TMEM41B: variants seen among roughly 807,000 people sequenced by gnomAD.
TMEM41B encodes the protein transmembrane protein 41B, also known as protein stasimon.
In TMEM41B, 18 loss-of-function variants were observed where a neutral mutation model predicts 31.9. That is an observed-to-expected ratio of 0.56 (90% CI 0.39 to 0.84). TMEM41B has a LOEUF of 0.84. Ranked by LOEUF, TMEM41B falls within the 40% of genes least tolerant of loss-of-function variation. TMEM41B has a pLI of 0.00. For missense variants in TMEM41B, 322 were observed against 348.0 expected, an observed-to-expected ratio of 0.93 and a Z score of 0.59; for synonymous variants, 144 against 124.3, an observed-to-expected ratio of 1.16 and a Z score of -1.05.
intron 1 of TMEM41B, among the ~76,000 whole-genome samples, chr11:9,308,547 T>C (rs1853456265): frequency 6.6e-6 from 1 of 152,186 alleles, no homozygotes; most frequent in Admixed American, 6.5e-5. Flanking sequence ...AAATCCTTAT[T>C]CTTTCCTTAT....
At chr11:9,295,874 T>C (rs572618581) in intron 2 of TMEM41B, among the ~76,000 whole-genome samples, 1 of 148,616 alleles carries the variant, frequency 6.7e-6, no homozygotes, top group African/African-American at 2.5e-5. Flanking sequence ...TATTATTTTT[T>C]TTGACACAGT....
At chr11:9,300,891 T>A (rs1425092791) in intron 1 of TMEM41B, among the ~76,000 whole-genome samples, 1 of 150,660 alleles carries the variant, frequency 6.6e-6, no homozygotes, top group South Asian at 2.1e-4. Context: ...AAAAAAAAAA[T>A]TATATTAACA....
rs984658464 is a variant in TMEM41B, at chr11:9,282,350, C to A, written c.*1074G>T. 6.6e-5 allele frequency: 10 copies of A among 151,646 alleles called. No homozygotes were observed. Among genetic ancestry groups the A allele is most frequent in the Non-Finnish European group, 1.2e-4 (8 of 67,970 alleles). 9.4% of individuals were successfully genotyped at this position (151,646 alleles called of 1,614,324 possible). ...CCGAGATCACACCACGCACTCCACT[C>A]CAGCCTGGGCAACAGCAAGACTCCG... On this transcript the variant is annotated 3_prime_UTR_variant, in exon 7 of 7. Transcript: ENST00000528080.
chr11:9,292,937 G>A (rs1404376326), intron 3 of TMEM41B, among the ~76,000 whole-genome samples: 1 of 152,094 alleles, frequency 6.6e-6, no homozygotes, highest in African/African-American at 2.4e-5. Context: ...TTTCATGATA[G>A]CCATCCTAAT....
chr11:9,283,276 A>T lies in TMEM41B; in HGVS notation c.*148T>A. On this transcript the variant is annotated 3_prime_UTR_variant, in exon 7 of 7. Coordinates refer to ENST00000528080, the MANE Select transcript of TMEM41B (RefSeq NM_015012.4). ...TTACTTTCTTCTCCCCTTGTCACTT[A>T]AATGTATTACTTTAACTATCTGATA... 1 of 631,114 alleles carries T rather than the reference A, an allele frequency of 1.6e-6. No homozygotes were observed. Among genetic ancestry groups the T allele is most frequent in the Non-Finnish European group, 2.6e-6 (1 of 382,862 alleles). 39.1% of individuals were successfully genotyped at this position (631,114 alleles called of 1,614,324 possible).
chr11:9,287,509 A>C (rs796512603), intron 5 of TMEM41B, among the ~76,000 whole-genome samples, 193 bp downstream of exon 5: 64 of 152,314 alleles, frequency 4.2e-4, no homozygotes, highest in African/African-American at 1.5e-3. Flanking sequence ...AAACATTTGT[A>C]TTTGAAATTA....
At chr11:9,312,226 C>T (rs1853576496) in intron 1 of TMEM41B, among the ~76,000 whole-genome samples, 1 of 152,206 alleles carries the variant, frequency 6.6e-6, no homozygotes, top group African/African-American at 2.4e-5. Context: ...TTATCCAAAC[C>T]TTACTTATCT....
chr11:9,301,878 C>A (rs1178180083), intron 1 of TMEM41B, among the ~76,000 whole-genome samples: 4 of 152,100 alleles, frequency 2.6e-5, no homozygotes, highest in Non-Finnish European at 4.4e-5. Context: ...GAACAGAAAC[C>A]CAGAGAAGCA....
intron 1 of TMEM41B, among the ~76,000 whole-genome samples, chr11:9,308,261 T>G (rs1267250027): frequency 6.6e-6 from 1 of 152,116 alleles, no homozygotes; most frequent in Non-Finnish European, 1.5e-5. Flanking sequence ...GAGAATCACT[T>G]GAACCTGGGA....
At position 9,314,522 on chromosome 11, in the gene TMEM41B, G is replaced by A; in HGVS notation, c.-81C>T. 6.1e-6 allele frequency: 9 copies of A among 1,467,430 alleles called. No homozygotes were observed. The highest frequency in any genetic ancestry group is 8.1e-6 in the Non-Finnish European group (9 of 1,105,838). The allele number at this position is 1,467,430 out of a possible 1,614,324, so 90.9% of individuals were successfully genotyped here. A position where few individuals can be genotyped will look rare whatever the true frequency, so the allele number is the denominator to read the frequency against. ...TCTGTTGCAGGCTCCTTACTACGCC[G>A]AAGCGCCACGGCTAGAGCCACTTCC... On this transcript the variant is annotated 5_prime_UTR_variant, in exon 1 of 7. Coordinates refer to ENST00000528080, the MANE Select transcript of TMEM41B (RefSeq NM_015012.4).
intron 6 of TMEM41B, among the ~76,000 whole-genome samples, chr11:9,285,088 C>T (rs1186624818): frequency 2.7e-4 from 35 of 131,122 alleles, no homozygotes; most frequent in African/African-American, 2.8e-4. Context: ...TTCCTTCTTT[C>T]TTTTTTTTTT....
chr11:9,311,769 C>T, intron 1 of TMEM41B: 1 of 608,554 alleles, frequency 1.6e-6, no homozygotes, highest in Non-Finnish European at 3.0e-6. Context: ...GTTTCACCTC[C>T]TGTCTGCTCT....
rs1331193193 is a variant in TMEM41B at position 9,311,631 on chromosome 11, C to T, written c.121+2690G>A. On this transcript the variant is annotated intron_variant, in intron 1 of 6. Coordinates refer to ENST00000528080, the MANE Select transcript of TMEM41B (RefSeq NM_015012.4). ...GTGGGCAGGATTGGAACCTCCAGGGCACCCAATGTTGGGTGGATATGGATT... is the reference window on the plus strand; with the variant it reads ...GTGGGCAGGATTGGAACCTCCAGGGTACCCAATGTTGGGTGGATATGGATT... 4 of 896,516 alleles carry T rather than the reference C, an allele frequency of 4.5e-6. No homozygotes were observed. The East Asian group carries it at 7.4e-5, about 17-fold the overall frequency. The allele number at this position is 896,516 out of a possible 1,614,324, so 55.5% of individuals were successfully genotyped here.
chr11:9,314,203 G>T (rs12793955), intron 1 of TMEM41B, 118 bp downstream of exon 1: 238,020 of 1,305,660 alleles, frequency 0.18, 24,315 homozygotes, highest in East Asian at 0.38. Context: ...CTCCCGCCGC[G>T]GCGCCAGCAG....
In TMEM41B at chr11:9,299,565, T is replaced by C. The variant is rs777941818; in HGVS notation, c.239+19A>G. 1.4e-6 allele frequency: 2 copies of C among 1,442,288 alleles called. No homozygotes were observed. Among genetic ancestry groups the C allele is most frequent in the Admixed American group, 3.8e-5 (2 of 53,008 alleles). The allele number at this position is 1,442,288 out of a possible 1,614,324, so 89.3% of individuals were successfully genotyped here. On this transcript the variant is annotated intron_variant, in intron 2 of 6. Transcript: ENST00000528080. ...TATAAATATCTATACATTTTCAGTT[T>C]ATCTCTCAGTATACTTACTCACTAA...
intron 1 of TMEM41B, among the ~76,000 whole-genome samples, chr11:9,311,888 G>T (rs1243900890): frequency 6.6e-6 from 1 of 152,206 alleles, no homozygotes; most frequent in African/African-American, 2.4e-5. Context: ...AGAGGCCAGA[G>T]TAATGGCAAG....
chr11:9,288,714 C>T (rs530230060), intron 3 of TMEM41B, among the ~76,000 whole-genome samples, 179 bp from the exon 4 acceptor site: 2 of 152,176 alleles, frequency 1.3e-5, no homozygotes, highest in African/African-American at 4.8e-5. Flanking sequence ...TAAGTGTGTG[C>T]TACTAAAAGG....
intron 2 of TMEM41B, among the ~76,000 whole-genome samples, chr11:9,296,875 G>A (rs975372798): frequency 1.3e-5 from 2 of 152,172 alleles, no homozygotes; most frequent in African/African-American, 4.8e-5. Flanking sequence ...GGAAAGCCTC[G>A]AATAATCACC....
intron 2 of TMEM41B, among the ~76,000 whole-genome samples, chr11:9,299,305 A>AG (rs1853182685): frequency 1.7e-5 from 1 of 60,308 alleles, no homozygotes. Context: ...AAAAAAAAAA[A>AG]GAAAGTATAT....
Sources: allele counts gnomAD v4.1 joint callset (sites outside exome capture counted in the v4.1 genomes callset), GRCh38; gene constraint gnomAD v4.1.1; transcripts MANE v1.5; gene names NCBI Gene and HGNC (gene_info 2026-07-23, HGNC 2026-07-21).